Variants in GLIS3 observed in about 807,000 individuals in gnomAD.
The protein encoded by GLIS3 is zinc finger protein GLIS3.
A neutral mutation model predicts 78.6 loss-of-function variants in GLIS3; 53 were observed. The observed-to-expected ratio is 0.67, with a 90% CI of 0.54 to 0.85. The LOEUF is 0.85. Among genes scored for constraint, GLIS3 ranks in the 40% least tolerant of loss-of-function variants. The pLI, the probability that GLIS3 is intolerant of heterozygous loss-of-function variation, is 0.00. For synonymous variants in GLIS3, 684 were observed against 509.9 expected, an observed-to-expected ratio of 1.34 and a Z score of -4.60; for missense variants, 1,703 against 1,231.1, an observed-to-expected ratio of 1.38 and a Z score of -5.74.
chr9:4,256,283 T>C (rs1824932157), intron 2 of GLIS3, among the ~76,000 whole-genome samples: 1 of 152,186 alleles, frequency 6.6e-6, no homozygotes. Context: ...TATCATACCA[T>C]TCAGCAAATT....
chr9:3,946,791 A>G (rs60371966), intron 4 of GLIS3, among the ~76,000 whole-genome samples: 12,015 of 152,262 alleles, frequency 0.079, 612 homozygotes, highest in African/African-American at 0.13. Context: ...GTGCCTTCTC[A>G]TACATAAAGG....
chr9:4,453,365 GAAA>G, the GLIS3 span, among the ~76,000 whole-genome samples: 2 of 93,686 alleles, frequency 2.1e-5, no homozygotes, highest in Admixed American at 1.1e-4. Context: ...AAAAAAAAAA[GAAA>G]AAACTACCAT....
chr9:4,464,559 T>A, the GLIS3 span, among the ~76,000 whole-genome samples: 1 of 151,992 alleles, frequency 6.6e-6, no homozygotes, highest in Non-Finnish European at 1.5e-5. Context: ...AACACCAGCA[T>A]AATTTTTGTA....
intron 4 of GLIS3, among the ~76,000 whole-genome samples, chr9:4,029,092 C>T (rs1052336149): frequency 1.3e-5 from 2 of 152,030 alleles, no homozygotes; most frequent in African/African-American, 4.8e-5. Context: ...GTTTCCATTA[C>T]CCAAGCTTAA....
rs1817822345 is a variant in GLIS3 at position 3,828,103 on chromosome 9, G to A, written c.*169C>T. 1 of 727,966 alleles carries A rather than the reference G, an allele frequency of 1.4e-6. No homozygotes were observed. The highest frequency in any genetic ancestry group is 2.3e-6 in the Non-Finnish European group (1 of 427,770). The allele number at this position is 727,966 out of a possible 1,614,324, so 45.1% of individuals were successfully genotyped here. On this transcript the variant is annotated 3_prime_UTR_variant, in exon 11 of 11. Coordinates refer to ENST00000381971, the MANE Select transcript of GLIS3 (RefSeq NM_001042413.2). ...AAAAGGAGCAACTGTAATGATTCCT[G>A]CAAAGCTAGCTCTGCCATTCAGTCC...
chr9:4,270,951 T>C (rs1344601800), intron 2 of GLIS3, among the ~76,000 whole-genome samples: 1 of 150,142 alleles, frequency 6.7e-6, no homozygotes, highest in Non-Finnish European at 1.5e-5. Context: ...AACTGACCCT[T>C]GAACAACACA....
intron 2 of GLIS3, among the ~76,000 whole-genome samples, chr9:4,133,872 A>AC: frequency 9.6e-6 from 1 of 104,680 alleles, no homozygotes; most frequent in South Asian, 3.1e-4. Flanking sequence ...ACACACACAC[A>AC]CACCGTACAT....
chr9:4,235,204 C>T (rs1048706437), intron 2 of GLIS3, among the ~76,000 whole-genome samples: 1 of 149,692 alleles, frequency 6.7e-6, no homozygotes, highest in Admixed American at 6.7e-5. Flanking sequence ...GAGGCTGAGG[C>T]AGGAGAATCG....
chr9:4,110,570 C>T (rs1831127663), intron 4 of GLIS3, among the ~76,000 whole-genome samples: 2 of 152,132 alleles, frequency 1.3e-5, no homozygotes, highest in Non-Finnish European at 1.5e-5. Context: ...CTATCTATGC[C>T]AACCTCCTAT....
At chr9:4,357,777 T>A in the GLIS3 span, among the ~76,000 whole-genome samples, 2 of 152,108 alleles carry the variant, frequency 1.3e-5, no homozygotes, top group East Asian at 3.8e-4. Context: ...CTGGACATGG[T>A]CAAAGAACTG....
At chr9:3,963,342 T>C (rs1399201810) in intron 4 of GLIS3, among the ~76,000 whole-genome samples, 1 of 152,192 alleles carries the variant, frequency 6.6e-6, no homozygotes, top group Non-Finnish European at 1.5e-5. Flanking sequence ...TGAACAAAAC[T>C]GGCAGTGAGA....
chr9:4,398,168 C>A, the GLIS3 span, among the ~76,000 whole-genome samples: 1 of 152,008 alleles, frequency 6.6e-6, no homozygotes, highest in African/African-American at 2.4e-5. Flanking sequence ...TTTTTCCAAA[C>A]CCACAGAATA....
chr9:4,047,353 T>C (rs112175322), intron 4 of GLIS3, among the ~76,000 whole-genome samples: 1 of 152,210 alleles, frequency 6.6e-6, no homozygotes, highest in East Asian at 1.9e-4. Flanking sequence ...AGTATCTTGA[T>C]AGTAGTGTGA....
At chr9:4,480,200 C>CTT in the GLIS3 span, among the ~76,000 whole-genome samples, 2,066 of 93,826 alleles carry the variant, frequency 0.022, 75 homozygotes, top group African/African-American at 0.072. Context: ...GCTGGGCTTT[C>CTT]TTTTTTTTTT....
At chr9:4,474,989 T>C in the GLIS3 span, among the ~76,000 whole-genome samples, 4 of 96,116 alleles carry the variant, frequency 4.2e-5, no homozygotes, top group Non-Finnish European at 7.4e-5. Flanking sequence ...ATGTTAATTT[T>C]TTTTTCTTTT....
chr9:4,092,815 G>C (rs915631785), intron 4 of GLIS3, among the ~76,000 whole-genome samples: 6 of 152,168 alleles, frequency 3.9e-5, no homozygotes, highest in African/African-American at 1.4e-4. Flanking sequence ...AAAACGTATA[G>C]TATAGTAAAT....
chr9:4,322,363 A>G (rs775936817), intron 2 of GLIS3, among the ~76,000 whole-genome samples: 30 of 152,168 alleles, frequency 2.0e-4, no homozygotes, highest in Non-Finnish European at 3.1e-4. Flanking sequence ...CTTTATAGGA[A>G]CATGATTTAT....
At chr9:4,315,230 C>T (rs891098388) in intron 2 of GLIS3, among the ~76,000 whole-genome samples, 3 of 152,146 alleles carry the variant, frequency 2.0e-5, no homozygotes, top group Admixed American at 1.3e-4. Flanking sequence ...AAACAAATCT[C>T]GTCATCTTGT....
At chr9:3,889,529 T>C (rs1023338170) in intron 7 of GLIS3, among the ~76,000 whole-genome samples, 9 of 152,198 alleles carry the variant, frequency 5.9e-5, no homozygotes, top group Non-Finnish European at 4.4e-5. Flanking sequence ...AATGATAAAA[T>C]CTGCATGTAT....
Sources: gnomAD v4.1 joint callset for allele counts (sites outside exome capture counted in the v4.1 genomes callset) on GRCh38, gnomAD v4.1.1 for gene constraint, MANE v1.5 for transcripts, NCBI Gene and HGNC (gene_info 2026-07-23, HGNC 2026-07-21) for gene names.